COL6A2: variants seen among roughly 807,000 people sequenced by gnomAD.
COL6A2 encodes the protein collagen type VI alpha 2 chain.
A neutral mutation model predicts 124.9 loss-of-function variants in COL6A2; 90 were observed. The ratio of observed to expected loss-of-function variants is 0.72; its 90% CI spans 0.61 to 0.86. The LOEUF is 0.86. Among genes scored for constraint, COL6A2 ranks in the 40% least tolerant of loss-of-function variants. The pLI, the probability that COL6A2 is intolerant of heterozygous loss-of-function variation, is 0.00. For synonymous variants in COL6A2, 793 were observed against 618.2 expected (o/e 1.28, Z -4.19); for missense variants, 1,607 against 1,502.5 (o/e 1.07, Z -1.15).
At position 46,125,708 on chromosome 21, in the gene COL6A2, A is replaced by C; in HGVS notation, c.1970-77A>C. Reference sequence around the variant, plus strand: ...GGGAGAAGTCCAGACGCGTCCCTCCAACGAGGGCCTCTGCATGGCTGGGGA... The same window carrying C: ...GGGAGAAGTCCAGACGCGTCCCTCCCACGAGGGCCTCTGCATGGCTGGGGA... On this transcript the variant is annotated intron_variant, in intron 25 of 27. Transcript: ENST00000300527. The C allele has an allele frequency of 1.9e-6, 3 of 1,595,068 alleles. No individual in the cohort carries two copies. In the South Asian group the frequency reaches 3.3e-5, roughly 18 times the overall value.
chr21:46,105,354 C>T (rs1398424582), intron 1 of COL6A2, among the ~76,000 whole-genome samples: 1 of 152,052 alleles, frequency 6.6e-6, no homozygotes, highest in African/African-American at 2.4e-5. Flanking sequence ...CCACTGCACT[C>T]CAGCCTGGGC....
rs1372386336 is a variant in COL6A2 at position 46,111,661 on chromosome 21, G to A, written c.115+70G>A. The A allele has an allele frequency of 1.0e-5, 5 of 478,228 alleles. No individual in the cohort carries two copies. The African/African-American group carries it at 1.6e-4, about 15-fold the overall frequency. The allele number at this position is 478,228 out of a possible 1,614,324, so 29.6% of individuals were successfully genotyped here. A position where few individuals can be genotyped will look rare whatever the true frequency, so the allele number is the denominator to read the frequency against. On this transcript the variant is annotated intron_variant, in intron 2 of 27. Transcript: ENST00000300527. ...GTTGGGACCAGTACCCAGGTGCCAG[G>A]GGTCGGGGGCCGGGGGCTCTGGGCA...
chr21:46,128,432 C>G (rs1359093779), intron 27 of COL6A2, among the ~76,000 whole-genome samples: 19 of 152,250 alleles, frequency 1.2e-4, no homozygotes, highest in Admixed American at 1.2e-3. Context: ...CCAGCCCACA[C>G]GGCCAGGCAT....
Position 46,132,598 on chromosome 21 carries a change from T to C in COL6A2, c.*46T>C. ...AGTCGAGGGTCGTGAGCCCACCCCG[T>C]CCATGGTGCTAAGCGGGCCCGGGTC... On this transcript the variant is annotated 3_prime_UTR_variant, in exon 28 of 28. Coordinates refer to ENST00000300527, the MANE Select transcript of COL6A2 (RefSeq NM_001849.4). 2 of 1,534,116 alleles carry C rather than the reference T, an allele frequency of 1.3e-6. No individual in the cohort carries two copies. Among genetic ancestry groups the C allele is most frequent in the African/African-American group, 1.4e-5 (1 of 73,338 alleles).
At chr21:46,112,646 G>C in intron 3 of COL6A2, 69 bp downstream of exon 3, 1 of 1,596,294 alleles carries the variant, frequency 6.3e-7, no homozygotes, top group South Asian at 1.1e-5. Context: ...CCCACTCCGG[G>C]CCTCACTTTA....
intron 27 of COL6A2, among the ~76,000 whole-genome samples, chr21:46,130,370 G>A (rs943461163): frequency 4.6e-5 from 7 of 152,218 alleles, no homozygotes; most frequent in Non-Finnish European, 1.5e-5. Context: ...TCCAAAGGGA[G>A]CGGCCCCCAC....
chr21:46,118,940 A>C (rs1407222521), intron 13 of COL6A2, 90 bp from the exon 14 acceptor site: 2 of 1,109,656 alleles, frequency 1.8e-6, no homozygotes, highest in African/African-American at 3.0e-5. Flanking sequence ...GCTGGAAGAT[A>C]ATAGGGGCTC....
intron 23 of COL6A2, 137 bp from the exon 24 acceptor site, chr21:46,125,129 A>G (rs540747052): frequency 1.8e-5 from 19 of 1,050,728 alleles, no homozygotes; most frequent in Middle Eastern, 4.5e-4. Flanking sequence ...GTTGGTAGGG[A>G]CAGGACCCGC....
rs775660795 is a variant in COL6A2, at chr21:46,129,415, A to G, written c.2462-2539A>G. On this transcript the variant is annotated intron_variant, in intron 27 of 27. Coordinates refer to ENST00000300527, the MANE Select transcript of COL6A2 (RefSeq NM_001849.4). ...GGGGTAGAGCGGCAGGACTGGATGG[A>G]GCTGTTCATTGACACCTTTAAGCTG... is the stretch of plus-strand genomic sequence containing the variant. 23 of 1,612,202 alleles carry G rather than the reference A, an allele frequency of 1.4e-5. No individual in the cohort carries two copies. The South Asian group carries it at 2.3e-4, about 16-fold the overall frequency.
chr21:46,121,958 T>G (rs2078573304), intron 18 of COL6A2, 150 bp from the exon 19 acceptor site: 2 of 818,228 alleles, frequency 2.4e-6, no homozygotes, highest in South Asian at 2.9e-5. Context: ...AGGGCGAGGT[T>G]GGCCCTGCCA....
At chr21:46,121,888 T>C (rs1432288521) in intron 18 of COL6A2, among the ~76,000 whole-genome samples, 2 of 148,252 alleles carry the variant, frequency 1.3e-5, no homozygotes, top group Non-Finnish European at 3.0e-5. Context: ...AGTAGGGTCC[T>C]CCCCGCGTGT....
chr21:46,115,823 C>T, intron 5 of COL6A2, 49 bp from the exon 6 acceptor site: 1 of 1,577,962 alleles, frequency 6.3e-7, no homozygotes. Flanking sequence ...CCCCAGCTGC[C>T]TACCGCCCAC....
In COL6A2 at chr21:46,126,220, A is replaced by G. The variant is rs1018641177; in HGVS notation, c.2405A>G (p.Glu802Gly). ...GCTGAGAAGTTCATCGATGACATGG[A>G]GGACGTCCTCTGCCCGGGTGAGCGT... ...LVAEKFIDDM[E>G]DVLCPDPQIV... is the part of the protein sequence containing the mutation. The change falls in exon 26 of 28, where the codon GAG becomes GGG. Residue 802 changes from glutamate to glycine, a missense_variant. Around this residue, in one of 3 missense-constraint regions of COL6A2, gnomAD observed 1,223 missense variants for 1,052.2 expected, o/e 1.16. Transcript: ENST00000300527. 2 of 1,599,942 alleles carry G rather than the reference A, an allele frequency of 1.3e-6. No homozygotes were observed. The highest frequency in any genetic ancestry group is 1.7e-6 in the Non-Finnish European group (2 of 1,179,196).
intron 27 of COL6A2, among the ~76,000 whole-genome samples, chr21:46,127,700 G>T (rs887777266): frequency 2.0e-5 from 3 of 146,912 alleles, no homozygotes; most frequent in Non-Finnish European, 4.5e-5. Context: ...CATGGCGATG[G>T]TCACTGTGGG....
chr21:46,124,422 C>T (rs1286848658), intron 21 of COL6A2, among the ~76,000 whole-genome samples: 7 of 152,126 alleles, frequency 4.6e-5, no homozygotes, highest in South Asian at 2.1e-4. Context: ...CTCTGCCAGG[C>T]CCCTACCCCT....
Position 46,121,075 on chromosome 21 carries a change from G to T in COL6A2, c.1410G>T (p.Leu470Phe), listed in dbSNP as rs145012001. 6.2e-7 allele frequency: 1 copy of T among 1,612,818 alleles called. No individual in the cohort carries two copies. Among genetic ancestry groups the T allele is most frequent in the South Asian group, 1.1e-5 (1 of 91,086 alleles). ...GNKGAKGDRG[L>F]PGPRGPQGAL... ...CTTTCTTCCAGGGAGACCGAGGCTT[G>T]CCTGGACCCAGAGGCCCCCAGGGAG... Residue 470 changes from leucine (L) to phenylalanine (F), a missense_variant, in exon 17 of 28, where the codon TTG (leucine) becomes TTT (phenylalanine). Physicochemically the swap from Leu to Phe is conservative, Grantham distance 22. Transcript: ENST00000300527.
intron 27 of COL6A2, among the ~76,000 whole-genome samples, chr21:46,130,330 C>T (rs1213945624): frequency 6.6e-6 from 1 of 152,206 alleles, no homozygotes; most frequent in African/African-American, 2.4e-5. Flanking sequence ...TCCCAGGGTC[C>T]ACAATGTTGG....
intron 27 of COL6A2, among the ~76,000 whole-genome samples, chr21:46,130,715 CA>C (rs1276393957): frequency 3.9e-5 from 6 of 152,324 alleles, no homozygotes; most frequent in Admixed American, 1.3e-4. Flanking sequence ...TTGGTGACAG[CA>C]GTGAAAATGT....
chr21:46,102,617 T>C (rs1568919275), intron 1 of COL6A2, among the ~76,000 whole-genome samples: 1 of 152,168 alleles, frequency 6.6e-6, no homozygotes, highest in Admixed American at 6.5e-5. Context: ...GTATTGAATT[T>C]TGTCATATGG....
Sources: gnomAD v4.1 joint callset for allele counts (sites outside exome capture counted in the v4.1 genomes callset) on GRCh38, gnomAD v4.1.1 for gene constraint, gnomAD v4.1.1 regional missense constraint, MANE v1.5 for transcripts, NCBI Gene and HGNC (gene_info 2026-07-23, HGNC 2026-07-21) for gene names.